The following LIPI variants were observed in gnomAD, a reference collection of about 807,000 sequenced individuals.
The protein encoded by LIPI is lipase I.
In LIPI, 59 loss-of-function variants were observed where a neutral mutation model predicts 50.6. That is an observed-to-expected ratio of 1.16 (90% CI 0.94 to 1.45). The LOEUF is 1.45. Among genes scored for constraint, LIPI ranks in the 40% most tolerant of loss-of-function variants. The pLI is 0.00. For missense variants in LIPI, 586 were observed against 536.3 expected (o/e 1.09, Z -0.92); for synonymous variants, 203 against 178.2 (o/e 1.14, Z -1.11).
intron 1 of LIPI, among the ~76,000 whole-genome samples, chr21:14,205,555 CA>C (rs879551512): frequency 3.9e-5 from 6 of 151,948 alleles, no homozygotes; most frequent in South Asian, 2.1e-4. Flanking sequence ...TACCTCCCCC[CA>C]CACACACATC....
chr21:14,154,284 T>C (rs2018200266), intron 7 of LIPI, among the ~76,000 whole-genome samples: 1 of 152,120 alleles, frequency 6.6e-6, no homozygotes, highest in Non-Finnish European at 1.5e-5. Context: ...AAGTCGTATT[T>C]TCAATGTGCT....
intron 9 of LIPI, among the ~76,000 whole-genome samples, chr21:14,113,733 C>T (rs1480655861): frequency 2.0e-5 from 3 of 152,100 alleles, no homozygotes; most frequent in African/African-American, 7.2e-5. Context: ...AAAGAACTGC[C>T]CAAGACTGGG....
At chr21:14,154,984 T>C (rs1045116697) in intron 7 of LIPI, among the ~76,000 whole-genome samples, 12 of 152,056 alleles carry the variant, frequency 7.9e-5, no homozygotes, top group African/African-American at 2.9e-4. Context: ...CTGAGATAAA[T>C]TAGATGCTGA....
chr21:14,150,441 A>G (rs979384877), intron 8 of LIPI, among the ~76,000 whole-genome samples: 26 of 152,154 alleles, frequency 1.7e-4, no homozygotes, highest in African/African-American at 6.3e-4. Context: ...TCTTTTATAA[A>G]ACATTTTACT....
chr21:14,182,341 C>A (rs2019302933), intron 3 of LIPI, among the ~76,000 whole-genome samples: 1 of 152,040 alleles, frequency 6.6e-6, no homozygotes, highest in Non-Finnish European at 1.5e-5. Context: ...TCTCGTAAGA[C>A]TTTCTCACAC....
chr21:14,141,644 GTGTT>G (rs2017713064), intron 9 of LIPI, among the ~76,000 whole-genome samples: 2 of 135,714 alleles, frequency 1.5e-5, no homozygotes, highest in South Asian at 4.6e-4. Context: ...TTGTTTTGTT[GTGTT>G]TTTCTTGTCC....
chr21:14,158,027 A>T lies in LIPI; in HGVS notation c.1007-5343T>A, dbSNP rs753191372. 5.6e-4 allele frequency among the ~76,000 whole-genome samples: 85 copies of T among 151,850 alleles called. 1 individual carries two copies. The highest frequency in any genetic ancestry group is 1.2e-3 in the Non-Finnish European group (80 of 67,840). ...ATCTGATTTAGATGAATTAGGCAAC[A>T]AGATTTAGAACTTTGTATCTGTTGA... On this transcript the variant is annotated intron_variant, in intron 7 of 9. Transcript: ENST00000681601.
In LIPI at chr21:14,159,280, A is replaced by C. The variant is rs532216152; in HGVS notation, c.1006+4139T>G. On this transcript the variant is annotated intron_variant, in intron 7 of 9. Transcript: ENST00000681601. ...AAAATATTAACGAATGAAATTCAACAATGTATTTTAAAATACGCACTAAGC... is the reference window on the plus strand; with the variant it reads ...AAAATATTAACGAATGAAATTCAACCATGTATTTTAAAATACGCACTAAGC... 2.0e-5 allele frequency among the ~76,000 whole-genome samples: 3 copies of C among 151,638 alleles called. No homozygotes were observed. In the East Asian group the frequency reaches 5.8e-4, roughly 29 times the overall value.
intron 9 of LIPI, among the ~76,000 whole-genome samples, chr21:14,128,364 G>A (rs2017149382): frequency 6.6e-6 from 1 of 151,944 alleles, no homozygotes; most frequent in South Asian, 2.1e-4. Context: ...AATAAAACAA[G>A]GACAAATTAA....
intron 9 of LIPI, among the ~76,000 whole-genome samples, chr21:14,136,375 C>T (rs995496476): frequency 6.6e-6 from 1 of 152,138 alleles, no homozygotes; most frequent in Admixed American, 6.5e-5. Context: ...TAGCATTCAC[C>T]ACCAGCTGTC....
intron 1 of LIPI, among the ~76,000 whole-genome samples, chr21:14,192,958 A>G (rs2019726313): frequency 2.0e-5 from 3 of 152,252 alleles, no homozygotes; most frequent in African/African-American, 7.2e-5. Flanking sequence ...CAAATATATG[A>G]CAAATAAAAA....
chr21:14,164,292 A>G (rs2018597140), intron 6 of LIPI, among the ~76,000 whole-genome samples: 1 of 152,034 alleles, frequency 6.6e-6, no homozygotes, highest in African/African-American at 2.4e-5. Flanking sequence ...CTGGGTTACA[A>G]TTTCTCATTA....
At chr21:14,120,688 C>A (rs371155248) in intron 9 of LIPI, among the ~76,000 whole-genome samples, 3 of 152,298 alleles carry the variant, frequency 2.0e-5, no homozygotes, top group South Asian at 4.1e-4. Context: ...AACTACTCAT[C>A]CAGTGAGAAG....
At chr21:14,204,993 A>G (rs1361028391) in intron 1 of LIPI, among the ~76,000 whole-genome samples, 1 of 151,798 alleles carries the variant, frequency 6.6e-6, no homozygotes, top group Non-Finnish European at 1.5e-5. Context: ...TTTCAATATA[A>G]GGTAGGAAAG....
intron 9 of LIPI, among the ~76,000 whole-genome samples, chr21:14,131,906 G>T (rs2017309617): frequency 6.6e-6 from 1 of 152,044 alleles, no homozygotes; most frequent in Non-Finnish European, 1.5e-5. Flanking sequence ...TTCACTGAAG[G>T]AAATACAAAA....
At chr21:14,117,795 C>T (rs2016710610) in intron 9 of LIPI, among the ~76,000 whole-genome samples, 1 of 152,070 alleles carries the variant, frequency 6.6e-6, no homozygotes, top group Non-Finnish European at 1.5e-5. Context: ...TGAACATTCC[C>T]CAGCTTATCC....
chr21:14,173,428 C>G (rs1018173995), intron 4 of LIPI, among the ~76,000 whole-genome samples: 2 of 152,154 alleles, frequency 1.3e-5, no homozygotes, highest in African/African-American at 4.8e-5. Flanking sequence ...CATTGGACCA[C>G]TGGTGAATGT....
intron 2 of LIPI, among the ~76,000 whole-genome samples, chr21:14,188,073 G>A (rs76520809): frequency 2.9e-3 from 438 of 152,142 alleles, no homozygotes; most frequent in Middle Eastern, 0.01. Context: ...TAATGCCCCC[G>A]AATCAGATAT....
intron 1 of LIPI, among the ~76,000 whole-genome samples, chr21:14,195,121 A>G (rs1330534601): frequency 1.3e-5 from 2 of 152,118 alleles, no homozygotes; most frequent in African/African-American, 4.8e-5. Context: ...TCGGGGAGAA[A>G]CATCAGAGTC....
Sources: gnomAD v4.1 joint callset for allele counts (sites outside exome capture counted in the v4.1 genomes callset) on GRCh38, gnomAD v4.1.1 for gene constraint, MANE v1.5 for transcripts, NCBI Gene and HGNC (gene_info 2026-07-23, HGNC 2026-07-21) for gene names.